Variants in JMY observed in about 807,000 individuals in gnomAD.
JMY encodes the protein junction mediating and regulatory protein, p53 cofactor.
Under a neutral mutation model 103.3 loss-of-function variants are expected in JMY, and 46 were observed. The observed-to-expected ratio is 0.45, with a 90% CI of 0.35 to 0.57. The LOEUF (loss-of-function observed/expected upper bound fraction) is 0.57, where lower values mean the gene tolerates loss of function less well. Among genes scored for constraint, JMY ranks in the 20% least tolerant of loss-of-function variants. The pLI is 0.00. For synonymous variants in JMY, 526 were observed against 489.3 expected, an observed-to-expected ratio of 1.07 and a Z score of -0.99; for missense variants, 1,238 against 1,255.2, an observed-to-expected ratio of 0.99 and a Z score of 0.21.
chr5:79,298,392 T>C (rs988377722), intron 4 of JMY, among the ~76,000 whole-genome samples: 1 of 152,210 alleles, frequency 6.6e-6, no homozygotes, highest in Non-Finnish European at 1.5e-5. Flanking sequence ...ACAGCTGTGT[T>C]TGCAGAGCTG....
chr5:79,238,477 A>G (rs1013099172), intron 1 of JMY, among the ~76,000 whole-genome samples: 3 of 152,132 alleles, frequency 2.0e-5, no homozygotes, highest in African/African-American at 7.2e-5. Flanking sequence ...TGTGTAATTC[A>G]TGCCTGCTCA....
At chr5:79,238,311 T>G (rs2166344) in intron 1 of JMY, among the ~76,000 whole-genome samples, 71,736 of 151,832 alleles carry the variant, frequency 0.47, 17,567 homozygotes, top group African/African-American at 0.61. Context: ...CTGTTTTAGG[T>G]AGAAATAAAG....
In JMY at chr5:79,270,525, ATATTTACAT is replaced by A. The variant is rs1479371296; in HGVS notation, c.1033-7384_1033-7376del. Among the ~76,000 whole-genome samples the A allele has an allele frequency of 4.4e-5, 4 of 90,502 alleles. 2 individuals carry two copies. Among genetic ancestry groups the A allele is most frequent in the Non-Finnish European group, 1.0e-4 (4 of 38,904 alleles). The allele number at this position is 90,502 out of a possible 152,430, so 59.4% of individuals were successfully genotyped here. A position where few individuals can be genotyped will look rare whatever the true frequency, so the allele number is the denominator to read the frequency against. On this transcript the variant is annotated intron_variant, in intron 1 of 10. Coordinates refer to ENST00000396137, the MANE Select transcript of JMY (RefSeq NM_152405.5). The stretch of plus-strand genomic sequence containing the variant: ...ATATTTACATAAATATTTAAAATAT[ATATTTACAT>A]AAATATTTAAAATGTATATTTACAT...
At chr5:79,247,493 T>C (rs1430142038) in intron 1 of JMY, among the ~76,000 whole-genome samples, 1 of 151,858 alleles carries the variant, frequency 6.6e-6, no homozygotes, top group African/African-American at 2.4e-5. Flanking sequence ...TATTTTTTAG[T>C]TGTTGTTGAA....
intron 1 of JMY, among the ~76,000 whole-genome samples, chr5:79,240,697 T>C (rs1167259276): frequency 6.6e-6 from 1 of 152,226 alleles, no homozygotes; most frequent in Non-Finnish European, 1.5e-5. Context: ...ATTGTGTCTT[T>C]AGATTATATT....
At chr5:79,245,275 C>T (rs1254368141) in intron 1 of JMY, among the ~76,000 whole-genome samples, 12 of 152,050 alleles carry the variant, frequency 7.9e-5, no homozygotes, top group Admixed American at 7.9e-4. Flanking sequence ...GTAGTATAGG[C>T]ACTGGGAAAA....
At chr5:79,243,801 GT>G (rs1229005574) in intron 1 of JMY, among the ~76,000 whole-genome samples, 1 of 152,094 alleles carries the variant, frequency 6.6e-6, no homozygotes, top group Non-Finnish European at 1.5e-5. Context: ...CTTTTAGACA[GT>G]TTTTTGCATC....
rs868602442 is a variant in JMY at position 79,324,499 on chromosome 5, T to C, written c.*2897T>C. The C allele has an allele frequency of 6.6e-6, 1 of 152,212 alleles. No individual in the cohort carries two copies. The highest frequency in any genetic ancestry group is 2.1e-4 in the South Asian group (1 of 4,832). 9.4% of individuals were successfully genotyped at this position (152,212 alleles called of 1,614,324 possible). A position where few individuals can be genotyped will look rare whatever the true frequency, so the allele number is the denominator to read the frequency against. On this transcript the variant is annotated 3_prime_UTR_variant, in exon 11 of 11. Coordinates refer to ENST00000396137, the MANE Select transcript of JMY (RefSeq NM_152405.5). Reference sequence around the variant, plus strand: ...AATAGGTAAAACAAGTAAATGAGTTTGGGACATTTTGAGATTAATGTTACT... The same window carrying C: ...AATAGGTAAAACAAGTAAATGAGTTCGGGACATTTTGAGATTAATGTTACT...
At chr5:79,298,709 A>C (rs2112105445) in intron 4 of JMY, among the ~76,000 whole-genome samples, 1 of 152,192 alleles carries the variant, frequency 6.6e-6, no homozygotes, top group East Asian at 1.9e-4. Flanking sequence ...TATTTAATTC[A>C]CCTGGTTATT....
At chr5:79,267,228 T>C (rs1298796824) in intron 1 of JMY, among the ~76,000 whole-genome samples, 1 of 152,220 alleles carries the variant, frequency 6.6e-6, no homozygotes, top group Non-Finnish European at 1.5e-5. Context: ...TCTGGGTTTG[T>C]TTTCCTTTTT....
chr5:79,270,184 G>A (rs1745703194), intron 1 of JMY, among the ~76,000 whole-genome samples: 1 of 151,498 alleles, frequency 6.6e-6, no homozygotes, highest in Non-Finnish European at 1.5e-5. Flanking sequence ...TCAGTACTAT[G>A]TTAAATAGGA....
At chr5:79,256,091 A>AAACT (rs1418347364) in intron 1 of JMY, among the ~76,000 whole-genome samples, 1 of 152,212 alleles carries the variant, frequency 6.6e-6, no homozygotes, top group African/African-American at 2.4e-5. Flanking sequence ...GAAACCTTGG[A>AAACT]AGTCTACCTG....
Position 79,237,274 on chromosome 5 carries a change from C to G in JMY, c.624C>G (p.Leu208=). The G allele has an allele frequency of 1.3e-6, 2 of 1,552,678 alleles. No homozygotes were observed. Among genetic ancestry groups the G allele is most frequent in the Non-Finnish European group, 1.7e-6 (2 of 1,148,006 alleles). ...AGGAGGACGAGGCACCTCTGGCGCT[C>G]TCGGACGCGGAGCAGCCGCCGCCCG... ...MVKEDEAPLA[L]SDAEQPPPAT... The change falls in exon 1 of 11, where the codon CTC becomes CTG. Residue 208 remains leucine, a synonymous_variant. Coordinates refer to ENST00000396137, the MANE Select transcript of JMY (RefSeq NM_152405.5).
intron 7 of JMY, among the ~76,000 whole-genome samples, chr5:79,311,528 T>A (rs1461648872): frequency 6.6e-6 from 1 of 152,146 alleles, no homozygotes; most frequent in East Asian, 1.9e-4. Context: ...TTTGAAATTA[T>A]CTGGTCTGGT....
chr5:79,287,200 G>T (rs767799519), intron 2 of JMY, among the ~76,000 whole-genome samples: 2 of 152,178 alleles, frequency 1.3e-5, no homozygotes, highest in African/African-American at 2.4e-5. Flanking sequence ...GTGAAATAAG[G>T]CTTGGGTGAT....
chr5:79,290,282 C>G lies in JMY; in HGVS notation c.1357+11C>G. 6.8e-7 allele frequency: 1 copy of G among 1,460,850 alleles called. No individual in the cohort carries two copies. The highest frequency in any genetic ancestry group is 1.8e-4 in the Middle Eastern group (1 of 5,456). The allele number at this position is 1,460,850 out of a possible 1,614,324, so 90.5% of individuals were successfully genotyped here. Reference sequence around the variant, plus strand: ...CTAAAGCTCAAAAAGGTAGGTTTCTCAGTAAATTTATCCTTTAGGTATTTT... The same window carrying G: ...CTAAAGCTCAAAAAGGTAGGTTTCTGAGTAAATTTATCCTTTAGGTATTTT... On this transcript the variant is annotated intron_variant, in intron 3 of 10. Coordinates refer to ENST00000396137, the MANE Select transcript of JMY (RefSeq NM_152405.5).
chr5:79,266,955 A>T (rs1263999589), intron 1 of JMY, among the ~76,000 whole-genome samples: 1 of 152,236 alleles, frequency 6.6e-6, no homozygotes, highest in African/African-American at 2.4e-5. Flanking sequence ...TTTAACACAT[A>T]CAATGAAATA....
chr5:79,248,965 G>A (rs1436640696), intron 1 of JMY, among the ~76,000 whole-genome samples: 1 of 152,086 alleles, frequency 6.6e-6, no homozygotes, highest in Non-Finnish European at 1.5e-5. Context: ...GTCTCACTGT[G>A]TCACCTAGGC....
At chr5:79,312,661 G>T (rs1460126615) in intron 8 of JMY, among the ~76,000 whole-genome samples, 163 bp downstream of exon 8, 1 of 151,756 alleles carries the variant, frequency 6.6e-6, no homozygotes. Context: ...TAATGGCATG[G>T]CTCCATTTCC....
Sources: gnomAD v4.1 joint callset for allele counts (sites outside exome capture counted in the v4.1 genomes callset) on GRCh38, gnomAD v4.1.1 for gene constraint, MANE v1.5 for transcripts, NCBI Gene and HGNC (gene_info 2026-07-23, HGNC 2026-07-21) for gene names.